TRIM24: variants seen among roughly 807,000 people sequenced by gnomAD.
TRIM24 encodes the protein transcription intermediary factor 1-alpha.
Under a neutral mutation model 123.9 loss-of-function variants are expected in TRIM24, and 29 were observed. That is an observed-to-expected ratio of 0.23 (90% CI 0.17 to 0.32). The LOEUF is 0.32. Among genes scored for constraint, TRIM24 ranks in the 10% least tolerant of loss-of-function variants. The probability of loss-of-function intolerance (pLI) is 1.00; values close to 1 mark genes in which losing one functional copy is unlikely to be tolerated. For synonymous variants in TRIM24, 456 were observed against 461.1 expected (o/e 0.99, Z 0.14); for missense variants, 932 against 1,295.3 (o/e 0.72, Z 4.31).
intron 1 of TRIM24, among the ~76,000 whole-genome samples, chr7:138,492,273 CAAAAAAA>C (rs34380067): frequency 2.7e-4 from 16 of 60,032 alleles, no homozygotes; most frequent in African/African-American, 6.8e-4. Flanking sequence ...ACTCTGTCTC[CAAAAAAA>C]AAAAAAAAAA....
intron 9 of TRIM24, among the ~76,000 whole-genome samples, chr7:138,565,089 A>C (rs1162419392): frequency 6.6e-6 from 1 of 152,018 alleles, no homozygotes; most frequent in East Asian, 1.9e-4. Flanking sequence ...GTTCTCTCAG[A>C]GTGTATGGTC....
At chr7:138,497,551 T>C (rs1000124877) in intron 1 of TRIM24, among the ~76,000 whole-genome samples, 2 of 150,636 alleles carry the variant, frequency 1.3e-5, no homozygotes, top group South Asian at 4.2e-4. Flanking sequence ...GCTACCACCA[T>C]GTACAGCTAA....
intron 1 of TRIM24, among the ~76,000 whole-genome samples, chr7:138,486,716 A>G (rs566100782): frequency 1.3e-5 from 2 of 152,332 alleles, no homozygotes; most frequent in Non-Finnish European, 2.9e-5. Flanking sequence ...TGGTCCCAGT[A>G]CCATGCTGTT....
Position 138,485,450 on chromosome 7 carries a change from C to T in TRIM24, c.365-18840C>T, listed in dbSNP as rs192015652. Among the ~76,000 whole-genome samples, 100 of 152,036 alleles carry T rather than the reference C, an allele frequency of 6.6e-4. 1 individual carries two copies. Among genetic ancestry groups the T allele is most frequent in the Non-Finnish European group, 1.8e-4 (12 of 67,984 alleles). Reference sequence around the variant, plus strand: ...GCATGTGCCATGTTGGTTTGCTGCACCCATTAACTCATCATTTACATTAGG... The same window carrying T: ...GCATGTGCCATGTTGGTTTGCTGCATCCATTAACTCATCATTTACATTAGG... On this transcript the variant is annotated intron_variant, in intron 1 of 18. Coordinates refer to ENST00000343526, the MANE Select transcript of TRIM24 (RefSeq NM_015905.3).
intron 8 of TRIM24, among the ~76,000 whole-genome samples, chr7:138,552,556 G>A (rs775420211): frequency 2.0e-5 from 3 of 152,086 alleles, no homozygotes; most frequent in Non-Finnish European, 2.9e-5. Flanking sequence ...TGATTTTGGT[G>A]GGGGGTTGGG....
chr7:138,504,263 CT>C (rs770921655), intron 1 of TRIM24, 26 bp from the exon 2 acceptor site: 1 of 1,483,274 alleles, frequency 6.7e-7, no homozygotes, highest in East Asian at 2.3e-5. Flanking sequence ...TGTATTAAAA[CT>C]TAGAATATAA....
chr7:138,567,193 T>G (rs1295728254), intron 9 of TRIM24, among the ~76,000 whole-genome samples: 1 of 152,210 alleles, frequency 6.6e-6, no homozygotes, highest in Non-Finnish European at 1.5e-5. Context: ...ACATTTTATT[T>G]ACTTCCCAAC....
At chr7:138,561,688 A>G (rs1047034226) in intron 9 of TRIM24, among the ~76,000 whole-genome samples, 9 of 152,322 alleles carry the variant, frequency 5.9e-5, no homozygotes, top group Admixed American at 5.2e-4. Flanking sequence ...CCATGATCCT[A>G]TGACCTGAAT....
In TRIM24 at chr7:138,584,799, C is replaced by A. The variant is rs1168383556; in HGVS notation, c.3001C>A (p.Leu1001Ile). Reference protein sequence around the residue: ...IKLENYFEELLKNLYPEKRFP... With the variant: ...IKLENYFEELIKNLYPEKRFP... Reference sequence around the variant, plus strand: ...ACTTGAAAATTATTTTGAAGAACTTCTAAAGAACCTCTATCCAGAAAAAAG... The same window carrying A: ...ACTTGAAAATTATTTTGAAGAACTTATAAAGAACCTCTATCCAGAAAAAAG... The change falls in exon 19 of 19, where the codon CTA becomes ATA. Residue 1001 changes from leucine (L) to isoleucine (I), a missense_variant. Transcript: ENST00000343526. 2 of 1,612,972 alleles carry A rather than the reference C, an allele frequency of 1.2e-6. No individual in the cohort carries two copies. The highest frequency in any genetic ancestry group is 1.7e-6 in the Non-Finnish European group (2 of 1,179,694).
rs371514737 is a variant in TRIM24 at position 138,508,690 on chromosome 7, T to TGCGC, written c.483+4283_483+4284insCGCG. Among the ~76,000 whole-genome samples the TGCGC allele has an allele frequency of 2.4e-3, 253 of 106,140 alleles. 2 individuals carry two copies. Among genetic ancestry groups the TGCGC allele is most frequent in the South Asian group, 5.5e-3 (16 of 2,884 alleles). The allele number at this position is 106,140 out of a possible 152,430, so 69.6% of individuals were successfully genotyped here. A position where few individuals can be genotyped will look rare whatever the true frequency, so the allele number is the denominator to read the frequency against. On this transcript the variant is annotated intron_variant, in intron 2 of 18. Coordinates refer to ENST00000343526, the MANE Select transcript of TRIM24 (RefSeq NM_015905.3). The stretch of plus-strand genomic sequence containing the variant: ...GTGTGTGTGTGTGTGTGTGTGTGTG[T>TGCGC]GTGCGCGCGCGTGTGTGCGTGTGTG...
intron 7 of TRIM24, among the ~76,000 whole-genome samples, chr7:138,550,702 A>T (rs1292053630): frequency 6.6e-6 from 1 of 152,198 alleles, no homozygotes; most frequent in Non-Finnish European, 1.5e-5. Flanking sequence ...CCTGTAACTC[A>T]TTAGCCCCTA....
intron 1 of TRIM24, among the ~76,000 whole-genome samples, chr7:138,469,388 A>C (rs1325365706): frequency 2.7e-5 from 4 of 149,284 alleles, no homozygotes; most frequent in Admixed American, 1.3e-4. Context: ...GGCTCACTGC[A>C]ACCTCCACCT....
Position 138,519,175 on chromosome 7 carries a change from C to A in TRIM24, c.632-14C>A. ...TGTTAATTTTCTTCTCTTTGTCTCCCATTGTTTCTGCAGAGGCAGTTGGTG... is the reference window on the plus strand; with the variant it reads ...TGTTAATTTTCTTCTCTTTGTCTCCAATTGTTTCTGCAGAGGCAGTTGGTG... On this transcript the variant is annotated splice_polypyrimidine_tract_variant and intron_variant, in intron 3 of 18. Transcript: ENST00000343526. The A allele has an allele frequency of 6.2e-7, 1 of 1,613,850 alleles. No individual in the cohort carries two copies. Among genetic ancestry groups the A allele is most frequent in the Non-Finnish European group, 8.5e-7 (1 of 1,179,908 alleles).
intron 2 of TRIM24, among the ~76,000 whole-genome samples, chr7:138,510,702 G>A (rs984460571): frequency 3.3e-5 from 5 of 152,160 alleles, no homozygotes; most frequent in African/African-American, 4.8e-5. Context: ...GATTACAGAT[G>A]TGAGCCACTG....
At position 138,579,245 on chromosome 7, in the gene TRIM24, T is replaced by C; in HGVS notation, c.2298T>C (p.Asn766=). 3.7e-6 allele frequency: 6 copies of C among 1,608,462 alleles called. No individual in the cohort carries two copies. Among genetic ancestry groups the C allele is most frequent in the South Asian group, 1.1e-5 (1 of 90,454 alleles). The change falls in exon 15 of 19, where the codon AAT becomes AAC. Residue 766 remains asparagine, a synonymous_variant. Coordinates refer to ENST00000343526, the MANE Select transcript of TRIM24 (RefSeq NM_015905.3). ...PRSILTSLLL[N]SSQSSTSEET... ...GCATACTCACCTCCCTGCTCTTAAA[T>C]AGCAGTCAGAGCTCTACTTCTGAGG... is the stretch of plus-strand genomic sequence containing the variant.
At chr7:138,578,313 G>A (rs1263120399) in intron 14 of TRIM24, among the ~76,000 whole-genome samples, 3 of 152,092 alleles carry the variant, frequency 2.0e-5, no homozygotes, top group Non-Finnish European at 2.9e-5. Flanking sequence ...ACCTGAGTAC[G>A]AATGTAACTA....
At chr7:138,523,288 T>A (rs1796540367) in intron 4 of TRIM24, among the ~76,000 whole-genome samples, 1 of 152,118 alleles carries the variant, frequency 6.6e-6, no homozygotes, top group African/African-American at 2.4e-5. Flanking sequence ...ATAATGAAAA[T>A]TTTTACATGA....
At chr7:138,559,383 TA>T (rs1797380030) in intron 9 of TRIM24, among the ~76,000 whole-genome samples, 1 of 152,170 alleles carries the variant, frequency 6.6e-6, no homozygotes, top group South Asian at 2.1e-4. Flanking sequence ...GTAGCATGTT[TA>T]TACCCAGCAG....
intron 2 of TRIM24, among the ~76,000 whole-genome samples, chr7:138,513,567 G>T (rs1037927663): frequency 6.6e-6 from 1 of 152,048 alleles, no homozygotes; most frequent in Non-Finnish European, 1.5e-5. Context: ...AAAAAGAGAG[G>T]GGGGAGGCGC....
Sources: allele counts gnomAD v4.1 joint callset (sites outside exome capture counted in the v4.1 genomes callset), GRCh38; gene constraint gnomAD v4.1.1; transcripts MANE v1.5; gene names NCBI Gene and HGNC (gene_info 2026-07-23, HGNC 2026-07-21).